Variants in AGXT2 observed in about 807,000 individuals in gnomAD.
AGXT2 encodes alanine--glyoxylate aminotransferase 2, mitochondrial.
AGXT2 carries 61 observed loss-of-function variants against 62.5 expected under a neutral mutation model. The observed-to-expected ratio is 0.98, with a 90% CI of 0.79 to 1.21. The LOEUF (loss-of-function observed/expected upper bound fraction) is 1.21. Among genes scored for constraint, AGXT2 ranks in the 50% most tolerant of loss-of-function variants. AGXT2 has a pLI of 0.00. For synonymous variants in AGXT2, 243 were observed against 218.7 expected (o/e 1.11, Z -0.98); for missense variants, 666 against 641.5 (o/e 1.04, Z -0.41).
chr5:35,021,798 G>A (rs1204104972), intron 9 of AGXT2, among the ~76,000 whole-genome samples: 10 of 152,024 alleles, frequency 6.6e-5, no homozygotes, highest in South Asian at 2.1e-4. Flanking sequence ...CCTACAAAAC[G>A]GGAGAAAATT....
intron 6 of AGXT2, 169 bp from the exon 7 acceptor site, chr5:35,032,994 T>C (rs760408705): frequency 2.4e-5 from 16 of 661,218 alleles, no homozygotes; most frequent in Non-Finnish European, 4.3e-5. Context: ...AATTTTTTCT[T>C]AGAAATCAGC....
At chr5:35,013,926 G>A (rs186032843) in intron 10 of AGXT2, 61 bp downstream of exon 10, 4 of 1,611,122 alleles carry the variant, frequency 2.5e-6, no homozygotes, top group African/African-American at 1.3e-5. Context: ...CAACACACGT[G>A]TTATACCATA....
At chr5:35,045,721 A>G (rs37379) in intron 1 of AGXT2, among the ~76,000 whole-genome samples, 131,205 of 150,364 alleles carry the variant, frequency 0.87, 57,770 homozygotes, top group Middle Eastern at 0.91. Flanking sequence ...TGATGAGGAT[A>G]GCATTCAGTC....
chr5:35,006,694 CA>C (rs891306449), intron 12 of AGXT2, among the ~76,000 whole-genome samples: 6 of 152,128 alleles, frequency 3.9e-5, no homozygotes, highest in African/African-American at 1.2e-4. Context: ...GTCACCAGGT[CA>C]AAATGTATAG....
rs776175895 is a variant in AGXT2 at position 35,032,777 on chromosome 5, G to A, written c.724C>T (p.Arg242Ter). The A allele has an allele frequency of 1.6e-5, 25 of 1,609,656 alleles. No homozygotes were observed. Among genetic ancestry groups the A allele is most frequent in the Non-Finnish European group, 2.0e-5 (24 of 1,178,044 alleles). Reference protein sequence around the residue: ...FRGPWGGSHCRDSPVQTIRKC... With the variant: ...FRGPWGGSHC ...CTGATTGTTTGCACTGGAGAATCTC[G>A]ACAGTGGCTTCCTCCCCAAGGGCCA... Residue 242 changes from arginine to a stop codon, truncating the protein, a stop_gained, in exon 7 of 14, where the codon CGA (arginine) becomes TGA (stop). Transcript: ENST00000231420. LOFTEE classifies it high-confidence loss of function.
At chr5:35,010,291 A>G in intron 11 of AGXT2, 142 bp from the exon 12 acceptor site, 1 of 1,098,024 alleles carries the variant, frequency 9.1e-7, no homozygotes, top group South Asian at 1.3e-5. Flanking sequence ...CACAAGGACT[A>G]CAAAAAGATC....
At chr5:35,007,183 G>A (rs1427231077) in intron 12 of AGXT2, among the ~76,000 whole-genome samples, 1 of 152,180 alleles carries the variant, frequency 6.6e-6, no homozygotes, top group Non-Finnish European at 1.5e-5. Flanking sequence ...TACTAGGTGA[G>A]GGCACAGCAA....
chr5:35,026,886 TA>T (rs1356088797), intron 7 of AGXT2: 1 of 985,278 alleles, frequency 1.0e-6, no homozygotes, highest in Non-Finnish European at 1.2e-6. Flanking sequence ...TAGAGCGATT[TA>T]ATTTATTTGA....
intron 1 of AGXT2, 64 bp downstream of exon 1, chr5:35,047,741 G>A (rs1381573742): frequency 6.9e-6 from 11 of 1,584,576 alleles, no homozygotes; most frequent in South Asian, 1.1e-5. Context: ...AGCAGCCTTC[G>A]GAGCTCAAGT....
chr5:35,032,988 T>C, intron 6 of AGXT2, 163 bp from the exon 7 acceptor site: 1 of 677,736 alleles, frequency 1.5e-6, no homozygotes, highest in East Asian at 2.9e-5. Context: ...AGAGATAATT[T>C]TTTCTTAGAA....
At chr5:35,013,490 G>A (rs1445993768) in intron 10 of AGXT2, among the ~76,000 whole-genome samples, 1 of 152,154 alleles carries the variant, frequency 6.6e-6, no homozygotes, top group African/African-American at 2.4e-5. Flanking sequence ...AGATCAGAAT[G>A]GGCTGGCTTT....
rs550054806 is a variant in AGXT2 at position 35,002,782 on chromosome 5, G to GT, written c.1437+980_1437+981insA. Among the ~76,000 whole-genome samples, 89 of 152,120 alleles carry GT rather than the reference G, an allele frequency of 5.9e-4. 2 individuals carry two copies. The South Asian group carries it at 0.012, about 21-fold the overall frequency. ...GCGCTTTGTGATAGCAGGCTGGGGG[G>GT]GGGGACTAACACGGGAGGAAAGAAT... On this transcript the variant is annotated intron_variant, in intron 13 of 13. Transcript: ENST00000231420.
chr5:35,006,432 C>T (rs1766422316), intron 12 of AGXT2, among the ~76,000 whole-genome samples: 1 of 152,246 alleles, frequency 6.6e-6, no homozygotes, highest in African/African-American at 2.4e-5. Flanking sequence ...TAGTGAGGGG[C>T]TCAGGAACCT....
intron 6 of AGXT2, 83 bp downstream of exon 6, chr5:35,033,377 A>G: frequency 8.9e-7 from 1 of 1,118,386 alleles, no homozygotes. Flanking sequence ...TTAGTTTCTA[A>G]TCCTTATACC....
chr5:35,033,053 CA>C (rs1436579914), intron 6 of AGXT2: 7 of 541,652 alleles, frequency 1.3e-5, no homozygotes, highest in Non-Finnish European at 2.3e-5. Context: ...AGCCTGGAAA[CA>C]GCTTGCTCAA....
At chr5:35,033,165 C>T (rs1303507247) in intron 6 of AGXT2, 2 of 486,448 alleles carry the variant, frequency 4.1e-6, no homozygotes, top group Non-Finnish European at 7.5e-6. Flanking sequence ...AAGGTGAGTA[C>T]AGTGATGACT....
rs1217980677 is a variant in AGXT2, at chr5:35,047,910, C to T, written c.-18G>A. Reference sequence around the variant, plus strand: ...AGAGTCATTTCTCCCACTCAGAAAGCCAACCCCCATGGAAGCAGATTGGAG... The same window carrying T: ...AGAGTCATTTCTCCCACTCAGAAAGTCAACCCCCATGGAAGCAGATTGGAG... On this transcript the variant is annotated 5_prime_UTR_variant, in exon 1 of 14. Coordinates refer to ENST00000231420, the MANE Select transcript of AGXT2 (RefSeq NM_031900.4). 1 of 1,613,854 alleles carries T rather than the reference C, an allele frequency of 6.2e-7. No homozygotes were observed. Among genetic ancestry groups the T allele is most frequent in the East Asian group, 2.2e-5 (1 of 44,834 alleles).
chr5:35,035,353 A>C (rs1225706989), intron 4 of AGXT2, 37 bp from the exon 5 acceptor site: 1 of 1,552,976 alleles, frequency 6.4e-7, no homozygotes, highest in African/African-American at 1.4e-5. Flanking sequence ...CTCATAATTT[A>C]TTTCCTTATT....
intron 5 of AGXT2, among the ~76,000 whole-genome samples, chr5:35,033,979 T>C (rs1186452637): frequency 6.6e-6 from 1 of 152,148 alleles, no homozygotes; most frequent in African/African-American, 2.4e-5. Context: ...ACCTTATAAA[T>C]CACCTTATTC....
Sources: gnomAD v4.1 joint callset for allele counts (sites outside exome capture counted in the v4.1 genomes callset) on GRCh38, gnomAD v4.1.1 for gene constraint, MANE v1.5 for transcripts, NCBI Gene and HGNC (gene_info 2026-07-23, HGNC 2026-07-21) for gene names.